The following GLCCI1 variants were observed in gnomAD, a reference collection of about 807,000 sequenced individuals.
The protein encoded by GLCCI1 is glucocorticoid induced 1, also known as glucocorticoid-induced transcript 1 protein.
Under a neutral mutation model 52.2 loss-of-function variants are expected in GLCCI1, and 24 were observed. The observed-to-expected ratio is 0.46, with a 90% CI of 0.33 to 0.65. The LOEUF is 0.65. Among genes scored for constraint, GLCCI1 ranks in the 30% least tolerant of loss-of-function variants. The pLI, the probability that GLCCI1 is intolerant of heterozygous loss-of-function variation, is 0.02. For missense variants in GLCCI1, 704 were observed against 701.5 expected (o/e 1.00, Z -0.04); for synonymous variants, 310 against 276.5 (o/e 1.12, Z -1.20).
At position 7,981,753 on chromosome 7, in the gene GLCCI1, G is replaced by C. The variant is rs1036486135; in HGVS notation, c.457+11946G>C. ...AAGGAAAAAGTGGGAAATACACCAA[G>C]AGTGATTTAAAGGAGTATACAAAGG... is the stretch of plus-strand genomic sequence containing the variant. On this transcript the variant is annotated intron_variant, in intron 1 of 7. Transcript: ENST00000223145. 6 of 308,682 alleles carry C rather than the reference G, an allele frequency of 1.9e-5. No homozygotes were observed. The East Asian group carries it at 3.6e-4, about 18-fold the overall frequency. The allele number at this position is 308,682 out of a possible 1,614,324, so 19.1% of individuals were successfully genotyped here.
Position 7,969,424 on chromosome 7 carries a change from G to A in GLCCI1, c.74G>A (p.Arg25His). 3.0e-6 allele frequency: 4 copies of A among 1,327,120 alleles called. No homozygotes were observed. The highest frequency in any genetic ancestry group is 2.9e-6 in the Non-Finnish European group (3 of 1,030,880). The allele number at this position is 1,327,120 out of a possible 1,614,324, so 82.2% of individuals were successfully genotyped here. A position where few individuals can be genotyped will look rare whatever the true frequency, so the allele number is the denominator to read the frequency against. The change falls in exon 1 of 8, where the codon CGC (arginine) becomes CAC (histidine). Residue 25 changes from arginine to histidine, a missense_variant. By Grantham distance (29) the Arg-to-His change is conservative (BLOSUM62 0). Transcript: ENST00000223145. This position sits in a 1 kb window ranked among gnomAD's most constrained non-coding sequence, Gnocchi z 4.9. Reference protein sequence around the residue: ...TPHPPSQRMRRSAAGSPPAVA... With the variant: ...TPHPPSQRMRHSAAGSPPAVA... Reference sequence around the variant, plus strand: ...CATCCCCCGTCGCAGAGGATGAGGCGCAGCGCCGCGGGGTCCCCGCCCGCC... The same window carrying A: ...CATCCCCCGTCGCAGAGGATGAGGCACAGCGCCGCGGGGTCCCCGCCCGCC...
At chr7:8,032,712 C>G (rs1354329777) in intron 3 of GLCCI1, among the ~76,000 whole-genome samples, 1 of 151,756 alleles carries the variant, frequency 6.6e-6, no homozygotes, top group Non-Finnish European at 1.5e-5. Context: ...GACTTAGGAA[C>G]AAATAGAAAA....
intron 3 of GLCCI1, among the ~76,000 whole-genome samples, chr7:8,043,169 A>C (rs1303201816): frequency 6.6e-6 from 1 of 152,242 alleles, no homozygotes; most frequent in Non-Finnish European, 1.5e-5. Context: ...ACTATTGCAC[A>C]CTTACTAGAC....
rs1667522551 is a variant in GLCCI1 at position 8,022,491 on chromosome 7, C to G, written c.618C>G (p.Ser206Arg). Residue 206 changes from serine (S) to arginine (R), a missense_variant, in exon 3 of 8, where the codon AGC (serine) becomes AGG (arginine). Ser to Arg is a moderately radical substitution (Grantham distance 110). Around this residue, in one of 3 missense-constraint regions of GLCCI1, gnomAD observed 547 missense variants for 524.8 expected, o/e 1.04. Coordinates refer to ENST00000223145, the MANE Select transcript of GLCCI1 (RefSeq NM_138426.4). Reference sequence around the variant, plus strand: ...ATATATATTTTTTAAAGACACCTAGCTGTTGGGCAGAAGAGGGTGCAGAAA... The same window carrying G: ...ATATATATTTTTTAAAGACACCTAGGTGTTGGGCAGAAGAGGGTGCAGAAA... Reference protein sequence around the residue: ...CMKDKATQTPSCWAEEGAEKR... With the variant: ...CMKDKATQTPRCWAEEGAEKR... 6.4e-7 allele frequency: 1 copy of G among 1,564,458 alleles called. No homozygotes were observed. The highest frequency in any genetic ancestry group is 1.2e-5 in the South Asian group (1 of 84,068).
At chr7:8,052,513 A>G (rs1782281665) in intron 3 of GLCCI1, among the ~76,000 whole-genome samples, 1 of 152,216 alleles carries the variant, frequency 6.6e-6, no homozygotes, top group African/African-American at 2.4e-5. Flanking sequence ...TGTTCTGTGG[A>G]ATCTTGGTTA....
chr7:7,973,852 TTA>T, intron 1 of GLCCI1, among the ~76,000 whole-genome samples: 1 of 152,220 alleles, frequency 6.6e-6, no homozygotes, highest in Admixed American at 6.5e-5. Flanking sequence ...TTCCTTAAAT[TTA>T]TCTTTTTAAG....
chr7:8,048,962 T>C (rs578178841), intron 3 of GLCCI1, among the ~76,000 whole-genome samples: 54 of 152,344 alleles, frequency 3.5e-4, no homozygotes, highest in African/African-American at 1.2e-3. Flanking sequence ...AGAACTGTTA[T>C]ATTGTTGTTT....
chr7:7,996,482 T>C (rs1780940317), intron 1 of GLCCI1, among the ~76,000 whole-genome samples: 1 of 152,232 alleles, frequency 6.6e-6, no homozygotes, highest in Admixed American at 6.5e-5. Context: ...CAGTGCTTGT[T>C]ACCAGGCTTC....
intron 6 of GLCCI1, among the ~76,000 whole-genome samples, chr7:8,077,791 C>T (rs1351096524): frequency 6.6e-6 from 1 of 152,170 alleles, no homozygotes; most frequent in East Asian, 1.9e-4. Context: ...AACCTGATTA[C>T]ATCTTGCTGC....
At chr7:8,059,263 C>A (rs1332200221) in intron 4 of GLCCI1, among the ~76,000 whole-genome samples, 1 of 152,168 alleles carries the variant, frequency 6.6e-6, no homozygotes, top group African/African-American at 2.4e-5. Flanking sequence ...ACAAAAGACA[C>A]TGATGAGCAG....
At position 7,972,323 on chromosome 7, in the gene GLCCI1, A is replaced by ATGTG. The variant is rs140431128; in HGVS notation, c.457+2533_457+2536dup. Among the ~76,000 whole-genome samples the ATGTG allele has an allele frequency of 5.5e-3, 818 of 149,774 alleles. 6 individuals carry two copies. The highest frequency in any genetic ancestry group is 0.018 in the African/African-American group (730 of 40,916). On this transcript the variant is annotated intron_variant, in intron 1 of 7. Transcript: ENST00000223145. ...CTCCTTTTTCTGCACACTTCAGTGT[A>ATGTG]TGTGTGTGTGTGTGTGTGTGCGCGC...
intron 1 of GLCCI1, among the ~76,000 whole-genome samples, chr7:7,973,273 TCA>T (rs1780392933): frequency 1.3e-5 from 2 of 152,162 alleles, no homozygotes; most frequent in Non-Finnish European, 2.9e-5. Flanking sequence ...TAAGCTAAAA[TCA>T]TTAGTAACAA....
intron 1 of GLCCI1, among the ~76,000 whole-genome samples, chr7:7,978,815 T>C (rs1289650884): frequency 1.3e-5 from 2 of 152,152 alleles, no homozygotes; most frequent in Non-Finnish European, 2.9e-5. Context: ...TTACATCAAG[T>C]CTAGCCATAT....
intron 3 of GLCCI1, among the ~76,000 whole-genome samples, chr7:8,040,585 T>TAATTGCAA (rs1315349022): frequency 1.3e-5 from 2 of 150,802 alleles, no homozygotes; most frequent in Non-Finnish European, 2.9e-5. Flanking sequence ...AAAGACGGAT[T>TAATTGCAA]AATTGCAAGC....
intron 1 of GLCCI1, among the ~76,000 whole-genome samples, chr7:7,973,163 T>C (rs970474226): frequency 2.0e-5 from 3 of 152,186 alleles, no homozygotes; most frequent in African/African-American, 7.2e-5. Context: ...ATGCAAATAG[T>C]TATTTTTTTG....
Position 8,042,828 on chromosome 7 carries a change from T to C in GLCCI1, c.697-12605T>C, listed in dbSNP as rs546902402. Among the ~76,000 whole-genome samples, 5 of 152,312 alleles carry C rather than the reference T, an allele frequency of 3.3e-5. No homozygotes were observed. The South Asian group carries it at 6.2e-4, about 19-fold the overall frequency. Reference sequence around the variant, plus strand: ...GATTTAGAATATTACATAAACCTAGTTGATAAAGAGTGGCAGGGTTTGAGA... The same window carrying C: ...GATTTAGAATATTACATAAACCTAGCTGATAAAGAGTGGCAGGGTTTGAGA... On this transcript the variant is annotated intron_variant, in intron 3 of 7. Coordinates refer to ENST00000223145, the MANE Select transcript of GLCCI1 (RefSeq NM_138426.4).
chr7:7,998,238 C>T (rs113044734), intron 1 of GLCCI1, among the ~76,000 whole-genome samples: 11,552 of 149,630 alleles, frequency 0.077, 1,202 homozygotes, highest in African/African-American at 0.23. Context: ...GCTTTTGAGA[C>T]GGAGTCTCGC....
intron 2 of GLCCI1, among the ~76,000 whole-genome samples, chr7:8,005,924 G>C (rs893257904): frequency 6.6e-6 from 1 of 152,008 alleles, no homozygotes; most frequent in Non-Finnish European, 1.5e-5. Context: ...TCAGCTTCCT[G>C]AGTAGCTGGG....
chr7:8,086,705 G>T lies in GLCCI1; in HGVS notation c.*167G>T. On this transcript the variant is annotated 3_prime_UTR_variant, in exon 8 of 8. Coordinates refer to ENST00000223145, the MANE Select transcript of GLCCI1 (RefSeq NM_138426.4). The surrounding 1 kb of genome is among the most constrained non-coding windows in gnomAD (Gnocchi z 4.4). ...TTGGCAGGGACGGAACTCCTATTCAGCAGTTTTTGTGGAAAGCAGTAATGC... is the reference window on the plus strand; with the variant it reads ...TTGGCAGGGACGGAACTCCTATTCATCAGTTTTTGTGGAAAGCAGTAATGC... The T allele has an allele frequency of 1.6e-6, 1 of 619,246 alleles. No individual in the cohort carries two copies. Among genetic ancestry groups the T allele is most frequent in the Non-Finnish European group, 2.7e-6 (1 of 364,364 alleles). The allele number at this position is 619,246 out of a possible 1,614,324, so 38.4% of individuals were successfully genotyped here. A position where few individuals can be genotyped will look rare whatever the true frequency, so the allele number is the denominator to read the frequency against.
Sources: gnomAD v4.1 joint callset for allele counts (sites outside exome capture counted in the v4.1 genomes callset) on GRCh38, gnomAD v4.1.1 for gene constraint, gnomAD v4.1.1 regional missense constraint, Gnocchi (gnomAD v3.1) non-coding constraint, MANE v1.5 for transcripts, NCBI Gene and HGNC (gene_info 2026-07-23, HGNC 2026-07-21) for gene names.